The following GARNL3 variants were observed in gnomAD, a reference collection of about 807,000 sequenced individuals.
The protein encoded by GARNL3 is GTPase-activating Rap/Ran-GAP domain-like protein 3.
GARNL3 carries 63 observed loss-of-function variants against 125.0 expected under a neutral mutation model. The observed-to-expected ratio is 0.50, with a 90% CI of 0.41 to 0.62. GARNL3 has a LOEUF of 0.62. Among genes scored for constraint, GARNL3 ranks in the 20% least tolerant of loss-of-function variants. The pLI is 0.00. For synonymous variants in GARNL3, 439 were observed against 457.5 expected (o/e 0.96, Z 0.52); for missense variants, 994 against 1,244.0 (o/e 0.80, Z 3.02).
rs1234819273 is a variant in GARNL3 at position 127,385,188 on chromosome 9, C to G, written c.2388+43C>G. ...TTTATCTCTGAGTGGTTTGGGGGAC[C>G]CCGGCACTGTGGGATTTCAGGTGAG... On this transcript the variant is annotated intron_variant, in intron 24 of 27. Transcript: ENST00000373387. The surrounding 1 kb of genome is among the most constrained non-coding windows in gnomAD (Gnocchi z 4.1). 1.6e-6 allele frequency: 2 copies of G among 1,266,696 alleles called. No homozygotes were observed. The highest frequency in any genetic ancestry group is 1.1e-6 in the Non-Finnish European group (1 of 898,534). 78.5% of individuals were successfully genotyped at this position (1,266,696 alleles called of 1,614,324 possible). A position where few individuals can be genotyped will look rare whatever the true frequency, so the allele number is the denominator to read the frequency against.
At chr9:127,283,773 C>T (rs187604302) in intron 1 of GARNL3, among the ~76,000 whole-genome samples, 220 of 152,264 alleles carry the variant, frequency 1.4e-3, no homozygotes, top group African/African-American at 4.9e-3. Context: ...CCTGGCAGAT[C>T]CTAGCCAAAT....
chr9:127,255,640 A>G (rs2063483350), intron 2 of GARNL3, among the ~76,000 whole-genome samples: 1 of 152,216 alleles, frequency 6.6e-6, no homozygotes, highest in Non-Finnish European at 1.5e-5. Context: ...TAATAAAACA[A>G]GTTAGAGACA....
intron 1 of GARNL3, among the ~76,000 whole-genome samples, chr9:127,236,065 A>G (rs2063107463): frequency 6.6e-6 from 1 of 152,238 alleles, no homozygotes; most frequent in Non-Finnish European, 1.5e-5. Flanking sequence ...CTGCCTTACC[A>G]CAGTTGACAG....
intron 22 of GARNL3, among the ~76,000 whole-genome samples, chr9:127,378,767 T>C (rs193098413): frequency 2.0e-5 from 3 of 151,874 alleles, no homozygotes; most frequent in African/African-American, 7.3e-5. Flanking sequence ...TATATATTTT[T>C]TGTTTGTTTG....
intron 2 of GARNL3, among the ~76,000 whole-genome samples, chr9:127,302,810 C>A (rs1039835614): frequency 4.6e-5 from 7 of 152,110 alleles, no homozygotes; most frequent in African/African-American, 1.7e-4. Context: ...AAAGAAGAAT[C>A]TATGTAGTTG....
At chr9:127,268,099 G>A (rs2063742136) in intron 1 of GARNL3, among the ~76,000 whole-genome samples, 1 of 152,212 alleles carries the variant, frequency 6.6e-6, no homozygotes, top group South Asian at 2.1e-4. Context: ...GGTCATCCAT[G>A]TGTCAGGCTC....
chr9:127,390,580 C>G (rs1832768631), intron 26 of GARNL3, 61 bp from the exon 27 acceptor site: 1 of 1,550,396 alleles, frequency 6.4e-7, no homozygotes, highest in Non-Finnish European at 8.8e-7. Context: ...AAATAAGGGT[C>G]TTTTCTGTCT....
chr9:127,274,742 G>T (rs2063909902), intron 1 of GARNL3, among the ~76,000 whole-genome samples: 1 of 152,096 alleles, frequency 6.6e-6, no homozygotes, highest in South Asian at 2.1e-4. Flanking sequence ...TCCAAATTTT[G>T]ATCAATGTAT....
At chr9:127,365,112 T>C (rs1831213003) in intron 21 of GARNL3, 188 bp from the exon 22 acceptor site, 1 of 537,022 alleles carries the variant, frequency 1.9e-6, no homozygotes, top group East Asian at 3.0e-5. Context: ...TTTTCTTTTC[T>C]TTCTCACTTC....
chr9:127,265,553 G>A (rs1216071234), intron 1 of GARNL3, among the ~76,000 whole-genome samples: 1 of 152,142 alleles, frequency 6.6e-6, no homozygotes, highest in African/African-American at 2.4e-5. Flanking sequence ...TTTCCTTAAT[G>A]AGAGGTGTTA....
At chr9:127,336,368 A>G (rs1829556404) in intron 11 of GARNL3, 132 bp downstream of exon 11, 2 of 590,046 alleles carry the variant, frequency 3.4e-6, no homozygotes, top group East Asian at 3.0e-5. Flanking sequence ...CTTTTGGGGA[A>G]TTTTTCCTAA....
intron 7 of GARNL3, among the ~76,000 whole-genome samples, chr9:127,326,502 G>A (rs753915145): frequency 2.6e-5 from 4 of 152,182 alleles, no homozygotes; most frequent in Non-Finnish European, 4.4e-5. Flanking sequence ...TGGATACCCC[G>A]TTCCCCATGA....
chr9:127,311,089 T>C (rs1476174703), intron 2 of GARNL3, among the ~76,000 whole-genome samples: 1 of 152,184 alleles, frequency 6.6e-6, no homozygotes, highest in Non-Finnish European at 1.5e-5. Context: ...TTATTAGTTG[T>C]ATCTATATAA....
intron 1 of GARNL3, among the ~76,000 whole-genome samples, chr9:127,273,990 T>C (rs113017241): frequency 2.3e-3 from 356 of 152,334 alleles, no homozygotes; most frequent in Middle Eastern, 0.017. Flanking sequence ...GATTTTTCCT[T>C]GTTCTGAGTG....
intron 2 of GARNL3, among the ~76,000 whole-genome samples, chr9:127,298,087 C>T (rs555124732): frequency 5.0e-4 from 76 of 152,348 alleles, no homozygotes; most frequent in African/African-American, 1.7e-3. Flanking sequence ...GCCTTCCACT[C>T]AAAACAGCGA....
At chr9:127,240,020 T>C (rs2063176406) in intron 1 of GARNL3, among the ~76,000 whole-genome samples, 1 of 152,250 alleles carries the variant, frequency 6.6e-6, no homozygotes, top group Non-Finnish European at 1.5e-5. Flanking sequence ...GTAAACAATG[T>C]ATTCTGTAAT....
intron 2 of GARNL3, among the ~76,000 whole-genome samples, chr9:127,252,912 C>G (rs1348352972): frequency 6.6e-6 from 1 of 152,138 alleles, no homozygotes; most frequent in Non-Finnish European, 1.5e-5. Context: ...GGAATGTCAT[C>G]GTGAACTGAC....
At chr9:127,290,962 G>A (rs1425117112) in intron 1 of GARNL3, among the ~76,000 whole-genome samples, 1 of 152,070 alleles carries the variant, frequency 6.6e-6, no homozygotes, top group African/African-American at 2.4e-5. Context: ...ACTCTTGCAG[G>A]TTAGGCATTC....
At chr9:127,308,550 A>C (rs1276163234) in intron 2 of GARNL3, among the ~76,000 whole-genome samples, 2 of 152,316 alleles carry the variant, frequency 1.3e-5, no homozygotes, top group East Asian at 3.9e-4. Flanking sequence ...ATGGAAACAA[A>C]AAAAAAAATA....
Sources: gnomAD v4.1 joint callset for allele counts (sites outside exome capture counted in the v4.1 genomes callset) on GRCh38, gnomAD v4.1.1 for gene constraint, Gnocchi (gnomAD v3.1) non-coding constraint, MANE v1.5 for transcripts, NCBI Gene and HGNC (gene_info 2026-07-23, HGNC 2026-07-21) for gene names.